Variants in GATC observed in about 807,000 individuals in gnomAD.
GATC encodes glutamyl-tRNA(Gln) amidotransferase subunit C, mitochondrial.
In GATC, 11 loss-of-function variants were observed where a neutral mutation model predicts 14.4. The observed-to-expected ratio is 0.77, with a 90% CI of 0.48 to 1.27. GATC has a LOEUF of 1.27. Among genes scored for constraint, GATC ranks in the 50% most tolerant of loss-of-function variants. The pLI is 0.00. For synonymous variants in GATC, 76 were observed against 79.3 expected (o/e 0.96, Z 0.22); for missense variants, 204 against 183.0 (o/e 1.11, Z -0.66).
At chr12:120,459,106 G>A (rs150526104) in intron 3 of GATC, among the ~76,000 whole-genome samples, 2 of 152,168 alleles carry the variant, frequency 1.3e-5, no homozygotes, top group Non-Finnish European at 2.9e-5. Context: ...GTGATCGTCC[G>A]CTTCGGCCTC....
chr12:120,448,960 C>CTTT (rs370203860), intron 2 of GATC, among the ~76,000 whole-genome samples: 1 of 140,126 alleles, frequency 7.1e-6, no homozygotes, highest in Admixed American at 7.1e-5. Flanking sequence ...TACTTAGGTT[C>CTTT]TTTTTTTTTT....
chr12:120,457,607 T>A (rs963592771), intron 3 of GATC, among the ~76,000 whole-genome samples: 2 of 147,866 alleles, frequency 1.4e-5, no homozygotes, highest in African/African-American at 5.0e-5. Flanking sequence ...GAATCCTTTT[T>A]TTTTTTTTTT....
At position 120,461,913 on chromosome 12, in the gene GATC, T is replaced by A; in HGVS notation, c.*1954T>A. 4 of 1,209,294 alleles carry A rather than the reference T, an allele frequency of 3.3e-6. No homozygotes were observed. Among genetic ancestry groups the A allele is most frequent in the South Asian group, 5.8e-5 (2 of 34,498 alleles). The allele number at this position is 1,209,294 out of a possible 1,614,324, so 74.9% of individuals were successfully genotyped here. On this transcript the variant is annotated 3_prime_UTR_variant, in exon 4 of 4. Coordinates refer to ENST00000551765, the MANE Select transcript of GATC (RefSeq NM_176818.3). ...TTTTTCTTCTTTAAAAAAAAAAAAT[T>A]AAAAAAATTTCCTAAGACACTAAAT...
At chr12:120,452,324 T>G (rs1878073130) in intron 2 of GATC, among the ~76,000 whole-genome samples, 1 of 152,200 alleles carries the variant, frequency 6.6e-6, no homozygotes, top group African/African-American at 2.4e-5. Flanking sequence ...ACTCAGAGCT[T>G]CTGCTGCCAA....
Position 120,459,962 on chromosome 12 carries a change from A to G in GATC, c.*3A>G. On this transcript the variant is annotated 3_prime_UTR_variant, in exon 4 of 4. Coordinates refer to ENST00000551765, the MANE Select transcript of GATC (RefSeq NM_176818.3). Reference sequence around the variant, plus strand: ...AAGAGCCATTCCCACACAGCTGAGTAGCTCATTCTGGAAAGGGGGTACTCT... The same window carrying G: ...AAGAGCCATTCCCACACAGCTGAGTGGCTCATTCTGGAAAGGGGGTACTCT... 6.2e-7 allele frequency: 1 copy of G among 1,610,160 alleles called. No homozygotes were observed. Among genetic ancestry groups the G allele is most frequent in the Non-Finnish European group, 8.5e-7 (1 of 1,176,738 alleles).
chr12:120,450,035 T>A (rs960447683), intron 2 of GATC, among the ~76,000 whole-genome samples: 2 of 152,208 alleles, frequency 1.3e-5, no homozygotes, highest in African/African-American at 4.8e-5. Flanking sequence ...GTGCTGGGAT[T>A]ACAGGCATGA....
chr12:120,459,033 T>C (rs1046343868), intron 3 of GATC, among the ~76,000 whole-genome samples: 9 of 152,160 alleles, frequency 5.9e-5, no homozygotes, highest in African/African-American at 2.2e-4. Context: ...GCTAATTTTT[T>C]GTATTTTTAG....
In GATC at chr12:120,448,582, G is replaced by A. The variant is rs529017124; in HGVS notation, c.254+1753G>A. 3.0e-4 allele frequency among the ~76,000 whole-genome samples: 43 copies of A among 145,238 alleles called. 1 individual carries two copies. The South Asian group carries it at 9.0e-3, about 30-fold the overall frequency. ...GGCCTCAAGTGATCCGCCCATCTTC[G>A]CCTCCCAAAGTGCTGGGATTACAGG... On this transcript the variant is annotated intron_variant, in intron 2 of 3. Coordinates refer to ENST00000551765, the MANE Select transcript of GATC (RefSeq NM_176818.3).
At chr12:120,447,475 C>T (rs1171810467) in intron 2 of GATC, among the ~76,000 whole-genome samples, 1 of 152,116 alleles carries the variant, frequency 6.6e-6, no homozygotes, top group African/African-American at 2.4e-5. Flanking sequence ...GCTTCTCCAG[C>T]AAGACAAGTT....
Position 120,457,121 on chromosome 12 carries a change from TG to T in GATC, c.301del (p.Asp101MetfsTer38). 1 of 1,614,140 alleles carries T rather than the reference TG, an allele frequency of 6.2e-7. No individual in the cohort carries two copies. ...SDNVVEGNCA[D>X]ELLQNSHRVV... ...ACAATGTGGTAGAAGGCAACTGTGC[TG>T]ATGAATTACTACAAAACTCCCATCG... On this transcript the variant is annotated frameshift_variant, in exon 3 of 4. Transcript: ENST00000551765. LOFTEE classifies it high-confidence loss of function.
At chr12:120,457,674 T>C (rs1878224208) in intron 3 of GATC, among the ~76,000 whole-genome samples, 1 of 144,668 alleles carries the variant, frequency 6.9e-6, no homozygotes, top group South Asian at 2.3e-4. Flanking sequence ...TGGTGCAATC[T>C]CGGCTCACCG....
intron 2 of GATC, 65 bp from the exon 3 acceptor site, chr12:120,457,011 C>G (rs1878202941): frequency 5.9e-6 from 6 of 1,017,328 alleles, no homozygotes; most frequent in Middle Eastern, 2.0e-4. Context: ...CTTCTTGCCC[C>G]TCTCCATCAT....
Position 120,459,979 on chromosome 12 carries a change from G to C in GATC, c.*20G>C, listed in dbSNP as rs1452603725. On this transcript the variant is annotated 3_prime_UTR_variant, in exon 4 of 4. Coordinates refer to ENST00000551765, the MANE Select transcript of GATC (RefSeq NM_176818.3). ...AGCTGAGTAGCTCATTCTGGAAAGG[G>C]GGTACTCTGTGAACATGTGGAAGCA... The C allele has an allele frequency of 6.3e-7, 1 of 1,595,558 alleles. No homozygotes were observed. Among genetic ancestry groups the C allele is most frequent in the African/African-American group, 1.3e-5 (1 of 74,450 alleles).
intron 2 of GATC, among the ~76,000 whole-genome samples, chr12:120,451,471 G>T (rs1009765377): frequency 1.6e-4 from 24 of 151,536 alleles, no homozygotes; most frequent in Admixed American, 7.2e-4. Flanking sequence ...GCTGGGCGTG[G>T]TGTTTCACGC....
At chr12:120,456,947 CTA>C in intron 2 of GATC, 127 bp from the exon 3 acceptor site, 1 of 654,382 alleles carries the variant, frequency 1.5e-6, no homozygotes, top group East Asian at 2.7e-5. Flanking sequence ...CCCAGCTTCT[CTA>C]TCTTTGAACA....
At position 120,462,273 on chromosome 12, in the gene GATC, C is replaced by T. The variant is rs1878367439; in HGVS notation, c.*2314C>T. ...TTAAGTATTGAGCACTTACTGTGTA[C>T]TCTGTGCCTGGCATGAGGCTATCTC... On this transcript the variant is annotated 3_prime_UTR_variant, in exon 4 of 4. Transcript: ENST00000551765. 8.5e-7 allele frequency: 1 copy of T among 1,180,416 alleles called. No individual in the cohort carries two copies. The highest frequency in any genetic ancestry group is 1.2e-6 in the Non-Finnish European group (1 of 850,270). 73.1% of individuals were successfully genotyped at this position (1,180,416 alleles called of 1,614,324 possible). A position where few individuals can be genotyped will look rare whatever the true frequency, so the allele number is the denominator to read the frequency against.
chr12:120,458,813 C>T (rs1878250755), intron 3 of GATC, among the ~76,000 whole-genome samples: 1 of 152,166 alleles, frequency 6.6e-6, no homozygotes, highest in Admixed American at 6.5e-5. Context: ...TAAAGGCAGG[C>T]TCTGGTTGAT....
chr12:120,459,593 A>G lies in GATC; in HGVS notation c.359-314A>G, dbSNP rs143877099. On this transcript the variant is annotated intron_variant, in intron 3 of 3. Transcript: ENST00000551765. ...CTGTTGTGGCCGGGCGCGGTGGCTC[A>G]TGCCTGTAATCCTAGCACTTTGGGA... Among the ~76,000 whole-genome samples the G allele has an allele frequency of 6.2e-3, 946 of 152,328 alleles. 9 individuals carry two copies. The highest frequency in any genetic ancestry group is 0.021 in the African/African-American group (885 of 41,578).
Position 120,446,577 on chromosome 12 carries a change from A to G in GATC, c.81+16A>G. The G allele has an allele frequency of 2.5e-6, 4 of 1,593,752 alleles. No homozygotes were observed. Among genetic ancestry groups the G allele is most frequent in the Non-Finnish European group, 3.4e-6 (4 of 1,169,668 alleles). ...GGATCCTCAGGTAAAGGCCAGGGCC[A>G]TCTAGGCGGGTGGCGGAGCAAGCCG... On this transcript the variant is annotated intron_variant, in intron 1 of 3. Transcript: ENST00000551765.
Sources: allele counts gnomAD v4.1 joint callset (sites outside exome capture counted in the v4.1 genomes callset), GRCh38; gene constraint gnomAD v4.1.1; transcripts MANE v1.5; gene names NCBI Gene and HGNC (gene_info 2026-07-23, HGNC 2026-07-21).